C12orf56: variants seen among roughly 807,000 people sequenced by gnomAD.
The protein encoded by C12orf56 is uncharacterized protein C12orf56.
C12orf56 carries 71 observed loss-of-function variants against 69.9 expected under a neutral mutation model. That is an observed-to-expected ratio of 1.02 (90% confidence interval 0.84 to 1.24). The LOEUF (loss-of-function observed/expected upper bound fraction) is 1.24, where lower values mean the gene tolerates loss of function less well. C12orf56 is among the 50% of genes most tolerant of loss of function. C12orf56 has a pLI of 0.00. For missense variants in C12orf56, 732 were observed against 738.5 expected (o/e 0.99, Z 0.10); for synonymous variants, 276 against 274.1 (o/e 1.01, Z -0.07).
chr12:64,338,649 G>A (rs2039030109), intron 2 of C12orf56: 1 of 1,590,970 alleles, frequency 6.3e-7, no homozygotes, highest in East Asian at 2.2e-5. Flanking sequence ...TTTAGTCTTT[G>A]GGTTTGCACA....
At chr12:64,302,986 A>C (rs2038465879) in intron 6 of C12orf56, among the ~76,000 whole-genome samples, 1 of 152,028 alleles carries the variant, frequency 6.6e-6, no homozygotes, top group Non-Finnish European at 1.5e-5. Flanking sequence ...AAAAATAAAC[A>C]AACAGGCAGG....
intron 1 of C12orf56, among the ~76,000 whole-genome samples, chr12:64,360,201 G>C (rs1055214682): frequency 1.3e-5 from 2 of 152,048 alleles, no homozygotes; most frequent in South Asian, 4.2e-4. Context: ...TGAGGCCAGC[G>C]ATTGCATGAG....
At chr12:64,282,277 A>G (rs975298939) in intron 8 of C12orf56, among the ~76,000 whole-genome samples, 1 of 152,276 alleles carries the variant, frequency 6.6e-6, no homozygotes, top group Non-Finnish European at 1.5e-5. Context: ...TATGGCCTGC[A>G]GGCCAAATCC....
chr12:64,303,253 G>A (rs755068390), intron 6 of C12orf56, among the ~76,000 whole-genome samples: 2 of 151,382 alleles, frequency 1.3e-5, no homozygotes, highest in Admixed American at 6.6e-5. Context: ...CAGCTTGGGC[G>A]ACAAGAGCAA....
intron 1 of C12orf56, among the ~76,000 whole-genome samples, chr12:64,359,279 A>C (rs1002165757): frequency 2.0e-4 from 30 of 152,088 alleles, no homozygotes; most frequent in African/African-American, 6.5e-4. Context: ...TCCTCTCTTC[A>C]TCAAACCAAG....
chr12:64,390,020 C>T (rs566609473), intron 1 of C12orf56, among the ~76,000 whole-genome samples: 15 of 152,238 alleles, frequency 9.9e-5, no homozygotes, highest in Non-Finnish European at 2.1e-4. Context: ...AAAGGAATGA[C>T]TTTAAAAGGT....
intron 8 of C12orf56, among the ~76,000 whole-genome samples, chr12:64,278,851 T>G (rs1432996542): frequency 6.6e-6 from 1 of 152,202 alleles, no homozygotes; most frequent in Non-Finnish European, 1.5e-5. Context: ...ATGCATGAAC[T>G]CAAAAGTCAA....
At chr12:64,340,500 G>A (rs547247782) in intron 2 of C12orf56, among the ~76,000 whole-genome samples, 2 of 152,194 alleles carry the variant, frequency 1.3e-5, no homozygotes, top group African/African-American at 4.8e-5. Context: ...TCATAATTAT[G>A]CCTAGCATAA....
At chr12:64,277,930 G>C in intron 8 of C12orf56, 127 bp from the exon 9 acceptor site, 1 of 631,206 alleles carries the variant, frequency 1.6e-6, no homozygotes, top group Non-Finnish European at 2.3e-6. Flanking sequence ...ATCCTTGACT[G>C]AAGTTTTGGA....
At chr12:64,288,994 C>A (rs1290879603) in intron 6 of C12orf56, among the ~76,000 whole-genome samples, 1 of 126,464 alleles carries the variant, frequency 7.9e-6, no homozygotes, top group Admixed American at 8.4e-5. Context: ...ATGGAATGTT[C>A]TTCCATTTGT....
rs2039207518 is a variant in C12orf56 at position 64,350,444 on chromosome 12, T to C, written c.415+2450A>G. Among the ~76,000 whole-genome samples the C allele has an allele frequency of 2.0e-5, 3 of 152,344 alleles. No homozygotes were observed. In the South Asian group the frequency reaches 6.2e-4, roughly 32 times the overall value. On this transcript the variant is annotated intron_variant, in intron 2 of 12. Coordinates refer to ENST00000543942, the MANE Select transcript of C12orf56 (RefSeq NM_001170633.2). ...AAAATCTATTTTCTTTGCAATAGGA[T>C]GCAACTGGAGAAACTGGTTGTTTTA...
At position 64,318,609 on chromosome 12, in the gene C12orf56, A is replaced by G. The variant is rs1038413688; in HGVS notation, c.860T>C (p.Leu287Pro). The G allele has an allele frequency of 6.2e-5, 96 of 1,536,276 alleles. No homozygotes were observed. Among genetic ancestry groups the G allele is most frequent in the Non-Finnish European group, 7.9e-5 (90 of 1,146,380 alleles). Residue 287 changes from leucine to proline, a missense_variant, in exon 4 of 13, where the codon CTG (leucine) becomes CCG (proline). Leu to Pro is a moderately conservative substitution (Grantham distance 98). Coordinates refer to ENST00000543942, the MANE Select transcript of C12orf56 (RefSeq NM_001170633.2). Reference sequence around the variant, plus strand: ...ATTGTTCCATGAACTTTTTAAGTGCAGAAATATTGATGAGGTTGTGGAAAT... The same window carrying G: ...ATTGTTCCATGAACTTTTTAAGTGCGGAAATATTGATGAGGTTGTGGAAAT... The part of the protein sequence containing the change: ...YVISTTSSIF[L>P]HLKSSWNNYI...
At position 64,390,430 on chromosome 12, in the gene C12orf56, C is replaced by CAT. The variant is rs750921966; in HGVS notation, c.135_136insAT (p.Glu46MetfsTer11). ...ACCACATACTTGAGGATGTGGTTCT[C>CAT]AGAGTTGGACACCACGATGCATGGC... is the stretch of plus-strand genomic sequence containing the variant. On this transcript the variant is annotated frameshift_variant, in exon 1 of 13. Transcript: ENST00000543942. LOFTEE classifies it high-confidence loss of function. The CAT allele has an allele frequency of 2.7e-4, 438 of 1,612,344 alleles. No individual in the cohort carries two copies. The highest frequency in any genetic ancestry group is 3.5e-4 in the Non-Finnish European group (413 of 1,179,770).
chr12:64,388,218 G>A (rs537680322), intron 1 of C12orf56, among the ~76,000 whole-genome samples: 5 of 151,528 alleles, frequency 3.3e-5, no homozygotes, highest in East Asian at 2.0e-4. Flanking sequence ...GATTACAGGC[G>A]TGAGCCACCA....
chr12:64,295,827 A>G (rs1427875443), intron 6 of C12orf56, among the ~76,000 whole-genome samples: 2 of 150,964 alleles, frequency 1.3e-5, no homozygotes, highest in African/African-American at 4.8e-5. Context: ...TATCTATAAT[A>G]TATATCACTC....
intron 1 of C12orf56, among the ~76,000 whole-genome samples, chr12:64,388,332 G>A (rs2039821254): frequency 6.6e-6 from 1 of 152,006 alleles, no homozygotes; most frequent in South Asian, 2.1e-4. Flanking sequence ...CTGCAGCCTC[G>A]AACTCCTTAA....
chr12:64,330,839 G>A (rs2136864869), intron 3 of C12orf56, 121 bp downstream of exon 3: 1 of 723,548 alleles, frequency 1.4e-6, no homozygotes, highest in African/African-American at 1.8e-5. Flanking sequence ...TATTGCATAT[G>A]TAAGATTAAT....
At chr12:64,390,264 G>C (rs755624117) in intron 1 of C12orf56, 50 bp downstream of exon 1, 9 of 1,541,104 alleles carry the variant, frequency 5.8e-6, no homozygotes, top group African/African-American at 1.4e-5. Flanking sequence ...GGCCCCAGCC[G>C]GGAGTTCTCA....
chr12:64,314,799 T>C (rs2038668736), intron 4 of C12orf56, among the ~76,000 whole-genome samples: 1 of 148,082 alleles, frequency 6.8e-6, no homozygotes, highest in Admixed American at 6.7e-5. Context: ...CACGCCCGGC[T>C]AATTTTTTCT....
Sources: gnomAD v4.1 joint callset for allele counts (sites outside exome capture counted in the v4.1 genomes callset) on GRCh38, gnomAD v4.1.1 for gene constraint, MANE v1.5 for transcripts, NCBI Gene and HGNC (gene_info 2026-07-23, HGNC 2026-07-21) for gene names.